TAFA2: variants seen among roughly 807,000 people sequenced by gnomAD.
TAFA2 encodes the protein TAFA chemokine like family member 2.
In TAFA2, 7 loss-of-function variants were observed where a neutral mutation model predicts 18.8. The ratio of observed to expected loss-of-function variants is 0.37; its 90% CI spans 0.21 to 0.70. The LOEUF (loss-of-function observed/expected upper bound fraction) is 0.70. Among genes scored for constraint, TAFA2 ranks in the 30% least tolerant of loss-of-function variants. The probability of loss-of-function intolerance (pLI) is 0.53; values close to 1 mark genes in which losing one functional copy is unlikely to be tolerated. For missense variants in TAFA2, 122 were observed against 158.1 expected, an observed-to-expected ratio of 0.77 and a Z score of 1.23; for synonymous variants, 60 against 54.2, an observed-to-expected ratio of 1.11 and a Z score of -0.47.
At chr12:62,079,057 G>A (rs1284767419) in intron 1 of TAFA2, among the ~76,000 whole-genome samples, 7 of 152,260 alleles carry the variant, frequency 4.6e-5, no homozygotes, top group South Asian at 2.1e-4. Flanking sequence ...TAAAGGACTC[G>A]AGTGTTGCCA....
intron 1 of TAFA2, among the ~76,000 whole-genome samples, chr12:62,190,559 T>C (rs2062616501): frequency 6.6e-6 from 1 of 152,306 alleles, no homozygotes; most frequent in African/African-American, 2.4e-5. Flanking sequence ...ACGCTGTTCG[T>C]TAAGAGAATC....
chr12:62,003,726 TC>T (rs1269899466), intron 1 of TAFA2, among the ~76,000 whole-genome samples: 1 of 152,216 alleles, frequency 6.6e-6, no homozygotes. Flanking sequence ...GGCACAAAGA[TC>T]TTAATCTGTC....
chr12:61,807,657 G>A (rs183945427), intron 2 of TAFA2, among the ~76,000 whole-genome samples: 2 of 151,534 alleles, frequency 1.3e-5, no homozygotes, highest in East Asian at 3.9e-4. Flanking sequence ...GAAGGAGGCT[G>A]TACCTTGCAA....
chr12:61,797,165 G>A (rs4335596), intron 2 of TAFA2, among the ~76,000 whole-genome samples: 15,465 of 152,100 alleles, frequency 0.1, 1,073 homozygotes, highest in East Asian at 0.19. Flanking sequence ...CAGAGTTTAC[G>A]TAGCATCACA....
At chr12:61,712,900 G>T (rs572433430) in intron 4 of TAFA2, among the ~76,000 whole-genome samples, 1 of 152,086 alleles carries the variant, frequency 6.6e-6, no homozygotes, top group Admixed American at 6.6e-5. Context: ...TGGCAGTATT[G>T]CCATGAAGAT....
chr12:61,914,656 A>G (rs1047979772), intron 1 of TAFA2, among the ~76,000 whole-genome samples: 3 of 152,180 alleles, frequency 2.0e-5, no homozygotes, highest in Non-Finnish European at 4.4e-5. Context: ...AGTACCTGAC[A>G]TTACGTCCTC....
chr12:62,087,345 A>G (rs1329002192), intron 1 of TAFA2, among the ~76,000 whole-genome samples: 1 of 152,192 alleles, frequency 6.6e-6, no homozygotes, highest in African/African-American at 2.4e-5. Flanking sequence ...ATACAAAGAT[A>G]ATTTCAGGCA....
chr12:61,998,160 G>A (rs1880262923), intron 1 of TAFA2, among the ~76,000 whole-genome samples: 1 of 152,118 alleles, frequency 6.6e-6, no homozygotes, highest in South Asian at 2.1e-4. Flanking sequence ...CAAGTAAAAG[G>A]AGAGTGGAAA....
chr12:61,932,693 A>T (rs1008008691), intron 1 of TAFA2, among the ~76,000 whole-genome samples: 7 of 151,434 alleles, frequency 4.6e-5, no homozygotes, highest in African/African-American at 1.5e-4. Context: ...GTCCTCCTCG[A>T]CCTCCCAAAG....
chr12:61,990,357 T>TTTTTTG (rs1879961613), intron 1 of TAFA2, among the ~76,000 whole-genome samples: 2 of 149,756 alleles, frequency 1.3e-5, no homozygotes, highest in African/African-American at 2.5e-5. Context: ...TTTTTTTTTT[T>TTTTTTG]GAGGCAGAGT....
intron 1 of TAFA2, among the ~76,000 whole-genome samples, chr12:62,187,771 G>A (rs1341990865): frequency 6.6e-6 from 1 of 152,122 alleles, no homozygotes; most frequent in Non-Finnish European, 1.5e-5. Context: ...TAACTTCTAT[G>A]TCTCTGTTTG....
intron 2 of TAFA2, among the ~76,000 whole-genome samples, chr12:61,845,039 C>G (rs1873344975): frequency 6.6e-6 from 1 of 152,062 alleles, no homozygotes; most frequent in Admixed American, 6.6e-5. Context: ...TCTGCTTGAA[C>G]TGGTAACTGT....
chr12:61,791,948 C>G lies in TAFA2; in HGVS notation c.107-36924G>C, dbSNP rs566013521. ...TTCTTGCAGCACTATTCACAATATC[C>G]AAGATATGAAATCAACCTAAGTATC... On this transcript the variant is annotated intron_variant, in intron 2 of 4. Transcript: ENST00000416284. 4.6e-5 allele frequency among the ~76,000 whole-genome samples: 7 copies of G among 151,520 alleles called. No individual in the cohort carries two copies. In the South Asian group the frequency reaches 1.5e-3, roughly 32 times the overall value.
intron 1 of TAFA2, among the ~76,000 whole-genome samples, chr12:62,138,904 CTTAG>C (rs1183771870): frequency 6.6e-6 from 1 of 152,040 alleles, no homozygotes; most frequent in Non-Finnish European, 1.5e-5. Flanking sequence ...CAACTTTATC[CTTAG>C]TTAAATAATA....
chr12:62,175,391 G>A (rs1444210807), intron 1 of TAFA2, among the ~76,000 whole-genome samples: 2 of 151,962 alleles, frequency 1.3e-5, no homozygotes, highest in Admixed American at 6.6e-5. Context: ...ACACTCCAAG[G>A]TCTTTTTCTA....
chr12:61,806,166 T>A (rs1565640487), intron 2 of TAFA2, among the ~76,000 whole-genome samples: 1 of 152,226 alleles, frequency 6.6e-6, no homozygotes, highest in Non-Finnish European at 1.5e-5. Flanking sequence ...AAATTGCATA[T>A]GATATTGTTT....
rs56092296 is a variant in TAFA2 at position 62,053,387 on chromosome 12, C to T, written c.-2+137872G>A. Among the ~76,000 whole-genome samples, 970 of 151,936 alleles carry T rather than the reference C, an allele frequency of 6.4e-3. 11 individuals are homozygous for T. The highest frequency in any genetic ancestry group is 0.023 in the African/African-American group (935 of 41,444). On this transcript the variant is annotated intron_variant, in intron 1 of 4. Transcript: ENST00000416284. ...TTTCATTGAGACTTTGAAAGAGCAC[C>T]TTTATGCATATAAAAAAAGAAAAGA...
chr12:62,020,785 T>C (rs1002115735), intron 1 of TAFA2, among the ~76,000 whole-genome samples: 1 of 148,408 alleles, frequency 6.7e-6, no homozygotes, highest in South Asian at 2.2e-4. Context: ...TCTGCCAGGA[T>C]TGGCAGATAT....
At chr12:62,216,798 A>G (rs1390190462) in intron 1 of TAFA2, among the ~76,000 whole-genome samples, 2 of 152,244 alleles carry the variant, frequency 1.3e-5, no homozygotes, top group African/African-American at 4.8e-5. Context: ...TGTATTTCAA[A>G]GATGCCCGAA....
Sources: gnomAD v4.1 joint callset for allele counts (sites outside exome capture counted in the v4.1 genomes callset) on GRCh38, gnomAD v4.1.1 for gene constraint, MANE v1.5 for transcripts, NCBI Gene and HGNC (gene_info 2026-07-23, HGNC 2026-07-21) for gene names.